ALKAL1: variants seen among roughly 807,000 people sequenced by gnomAD.
The protein encoded by ALKAL1 is ALK and LTK ligand 1.
A neutral mutation model predicts 13.5 loss-of-function variants in ALKAL1; 23 were observed. The ratio of observed to expected loss-of-function variants is 1.70; its 90% CI spans 1.23 to 2.41. ALKAL1 has a LOEUF of 2.41. Among genes scored for constraint, ALKAL1 ranks in the 30% most tolerant of loss-of-function variants. The pLI is 0.00. For synonymous variants in ALKAL1, 85 were observed against 77.7 expected, an observed-to-expected ratio of 1.09 and a Z score of -0.49; for missense variants, 181 against 178.4, an observed-to-expected ratio of 1.01 and a Z score of -0.08.
At chr8:52,562,483 G>A (rs1376381276) in intron 1 of ALKAL1, among the ~76,000 whole-genome samples, 1 of 152,134 alleles carries the variant, frequency 6.6e-6, no homozygotes, top group Non-Finnish European at 1.5e-5. Flanking sequence ...GGCCAAGGAC[G>A]GTGAATCAGG....
intron 1 of ALKAL1, among the ~76,000 whole-genome samples, chr8:52,554,200 G>T (rs1400479547): frequency 1.3e-5 from 2 of 152,108 alleles, no homozygotes; most frequent in Non-Finnish European, 1.5e-5. Context: ...CTCCAGCCTG[G>T]GCAACAAGAG....
chr8:52,547,471 G>A (rs1475618247), intron 1 of ALKAL1, among the ~76,000 whole-genome samples: 1 of 152,144 alleles, frequency 6.6e-6, no homozygotes. Context: ...CTGCACTCCA[G>A]CCTGGGTGAC....
At chr8:52,560,195 CAAT>C (rs1213003945) in intron 1 of ALKAL1, among the ~76,000 whole-genome samples, 1 of 152,064 alleles carries the variant, frequency 6.6e-6, no homozygotes, top group Non-Finnish European at 1.5e-5. Context: ...AAAAGCCTAA[CAAT>C]AACTCCAAGT....
chr8:52,553,227 G>A (rs1280116796), intron 1 of ALKAL1, among the ~76,000 whole-genome samples: 1 of 151,954 alleles, frequency 6.6e-6, no homozygotes, highest in African/African-American at 2.4e-5. Flanking sequence ...GCATGACTGT[G>A]GTCCATGCTA....
chr8:52,542,468 C>T, intron 1 of ALKAL1, 23 bp from the exon 2 acceptor site: 1 of 1,411,234 alleles, frequency 7.1e-7, no homozygotes, highest in South Asian at 1.2e-5. Context: ...AAAAAACCAT[C>T]AGAATTTATT....
chr8:52,545,059 G>A (rs900833730), intron 1 of ALKAL1, among the ~76,000 whole-genome samples: 3 of 151,976 alleles, frequency 2.0e-5, no homozygotes, highest in African/African-American at 7.3e-5. Context: ...GGAATTAGAG[G>A]CACGAGCCAC....
chr8:52,535,083 AAC>A (rs1847252361), intron 4 of ALKAL1, among the ~76,000 whole-genome samples: 1 of 152,206 alleles, frequency 6.6e-6, no homozygotes, highest in Non-Finnish European at 1.5e-5. Context: ...CTTAAATTAT[AAC>A]ACAGTACTTG....
intron 1 of ALKAL1, among the ~76,000 whole-genome samples, chr8:52,549,146 T>A (rs767834765): frequency 7.2e-5 from 11 of 151,988 alleles, no homozygotes; most frequent in Non-Finnish European, 1.2e-4. Context: ...ATTTTATGTT[T>A]CAATCTAGCA....
rs1222621230 is a variant in ALKAL1, at chr8:52,565,374, A to G, written c.-118T>C. The stretch of plus-strand genomic sequence containing the variant: ...ACAGCGCGGCTACGCGGCCGGCCGC[A>G]GTCTTCACCGCGCGCCTGCCCTTGT... On this transcript the variant is annotated 5_prime_UTR_variant, in exon 1 of 5. Transcript: ENST00000358543. 1.3e-6 allele frequency: 1 copy of G among 782,968 alleles called. No homozygotes were observed. The highest frequency in any genetic ancestry group is 1.8e-6 in the Non-Finnish European group (1 of 566,926). 48.5% of individuals were successfully genotyped at this position (782,968 alleles called of 1,614,324 possible).
At chr8:52,563,459 T>A in intron 1 of ALKAL1, among the ~76,000 whole-genome samples, 1 of 152,006 alleles carries the variant, frequency 6.6e-6, no homozygotes, top group Non-Finnish European at 1.5e-5. Flanking sequence ...TATTGTTTTA[T>A]CCCTTGTAAC....
chr8:52,541,284 G>A (rs1189633739), intron 2 of ALKAL1, among the ~76,000 whole-genome samples: 2 of 152,044 alleles, frequency 1.3e-5, no homozygotes, highest in Non-Finnish European at 2.9e-5. Context: ...AGACCAACCT[G>A]GGCAACATAG....
At chr8:52,554,926 C>A (rs1203687885) in intron 1 of ALKAL1, among the ~76,000 whole-genome samples, 3 of 152,192 alleles carry the variant, frequency 2.0e-5, no homozygotes, top group African/African-American at 7.2e-5. Context: ...AATCCCAGCA[C>A]TTTGGGAGGC....
At chr8:52,540,334 A>G (rs556829100) in intron 2 of ALKAL1, among the ~76,000 whole-genome samples, 2 of 152,310 alleles carry the variant, frequency 1.3e-5, no homozygotes, top group Admixed American at 1.3e-4. Flanking sequence ...TTCTAATTAT[A>G]ATAATTTGTG....
chr8:52,546,949 G>T (rs943752132), intron 1 of ALKAL1, among the ~76,000 whole-genome samples: 10 of 152,270 alleles, frequency 6.6e-5, no homozygotes, highest in African/African-American at 2.4e-4. Context: ...GTTTGCCAAT[G>T]CCTGCCCTGC....
intron 1 of ALKAL1, among the ~76,000 whole-genome samples, chr8:52,545,923 A>G (rs1455987245): frequency 6.6e-6 from 1 of 152,234 alleles, no homozygotes; most frequent in Non-Finnish European, 1.5e-5. Flanking sequence ...GTGCATTTAC[A>G]TAAACCTTGG....
intron 3 of ALKAL1, among the ~76,000 whole-genome samples, chr8:52,538,750 T>G (rs1847286831): frequency 6.6e-6 from 1 of 152,142 alleles, no homozygotes; most frequent in Admixed American, 6.6e-5. Flanking sequence ...ACCCCATAAC[T>G]AGTCAAAAGC....
chr8:52,539,443 AAAT>A (rs1206012382), intron 3 of ALKAL1, among the ~76,000 whole-genome samples: 3 of 152,210 alleles, frequency 2.0e-5, no homozygotes, highest in African/African-American at 7.2e-5. Context: ...GTGCTATAAA[AAAT>A]ATTTACTTTA....
chr8:52,559,568 A>G (rs2150348039), intron 1 of ALKAL1, among the ~76,000 whole-genome samples: 1 of 152,356 alleles, frequency 6.6e-6, no homozygotes, highest in South Asian at 2.1e-4. Flanking sequence ...TAAAATGCAG[A>G]TCTACAAGCT....
At position 52,537,221 on chromosome 8, in the gene ALKAL1, A is replaced by C. The variant is rs981574734; in HGVS notation, c.*12+1210T>G. Among the ~76,000 whole-genome samples the C allele has an allele frequency of 1.7e-4, 26 of 152,234 alleles. 1 individual carries two copies. The highest frequency in any genetic ancestry group is 1.6e-3 in the Admixed American group (24 of 15,286). ...AAAGTCTAACAAATATATGAAAAAA[A>C]TGCTAAACATCACTAATCATCAGGA... On this transcript the variant is annotated intron_variant, in intron 4 of 4. Transcript: ENST00000358543.
Sources: allele counts gnomAD v4.1 joint callset (sites outside exome capture counted in the v4.1 genomes callset), GRCh38; gene constraint gnomAD v4.1.1; transcripts MANE v1.5; gene names NCBI Gene and HGNC (gene_info 2026-07-23, HGNC 2026-07-21).